PDE4D: variants seen among roughly 807,000 people sequenced by gnomAD.
The protein encoded by PDE4D is phosphodiesterase 4D.
In PDE4D, 24 loss-of-function variants were observed where a neutral mutation model predicts 87.4. The observed-to-expected ratio is 0.27, with a 90% CI of 0.20 to 0.39. The LOEUF is 0.39. Ranked by LOEUF, PDE4D falls within the 10% of genes least tolerant of loss-of-function variation. PDE4D has a pLI of 1.00. For missense variants in PDE4D, 714 were observed against 1,041.0 expected, an observed-to-expected ratio of 0.69 and a Z score of 4.32; for synonymous variants, 384 against 383.2, an observed-to-expected ratio of 1.00 and a Z score of -0.02.
chr5:59,722,064 A>G (rs1755908176), intron 1 of PDE4D, among the ~76,000 whole-genome samples: 1 of 152,178 alleles, frequency 6.6e-6, no homozygotes, highest in Non-Finnish European at 1.5e-5. Context: ...TCCCTTTTGG[A>G]TAACAAAACA....
intron 1 of PDE4D, among the ~76,000 whole-genome samples, chr5:60,201,849 CA>C (rs1215552459): frequency 6.6e-6 from 1 of 151,992 alleles, no homozygotes; most frequent in African/African-American, 2.4e-5. Flanking sequence ...ACAGAAACAC[CA>C]AAGAGATACA....
At chr5:60,335,764 G>A (rs542971398) in intron 1 of PDE4D, among the ~76,000 whole-genome samples, 4 of 152,224 alleles carry the variant, frequency 2.6e-5, no homozygotes, top group Admixed American at 2.6e-4. Context: ...TGAAATCATT[G>A]GTGTTGAGAA....
At chr5:60,390,968 C>T (rs1379099523) in intron 1 of PDE4D, among the ~76,000 whole-genome samples, 1 of 152,148 alleles carries the variant, frequency 6.6e-6, no homozygotes, top group African/African-American at 2.4e-5. Context: ...CTAATATAAA[C>T]ATGCACACAT....
chr5:60,438,500 T>C (rs1426319549), intron 1 of PDE4D, among the ~76,000 whole-genome samples: 1 of 152,126 alleles, frequency 6.6e-6, no homozygotes, highest in Non-Finnish European at 1.5e-5. Context: ...ATTTTGTTCA[T>C]TGACTGTACC....
chr5:59,364,111 A>G (rs1426809344), intron 1 of PDE4D, among the ~76,000 whole-genome samples: 1 of 152,222 alleles, frequency 6.6e-6, no homozygotes, highest in African/African-American at 2.4e-5. Context: ...TTTGTTTTGT[A>G]ACAGAATATA....
chr5:60,499,788 G>T (rs1423791154), intron 1 of PDE4D, among the ~76,000 whole-genome samples: 1 of 152,128 alleles, frequency 6.6e-6, no homozygotes, highest in African/African-American at 2.4e-5. Context: ...TGCTGGCCCA[G>T]ACCATTTATA....
At chr5:60,337,355 A>C (rs1757874912) in intron 1 of PDE4D, among the ~76,000 whole-genome samples, 1 of 82,474 alleles carries the variant, frequency 1.2e-5, no homozygotes, top group Admixed American at 1.2e-4. Flanking sequence ...AACAAACTAT[A>C]TATATATATA....
At chr5:59,700,841 A>G (rs1167494307) in intron 1 of PDE4D, among the ~76,000 whole-genome samples, 1 of 152,192 alleles carries the variant, frequency 6.6e-6, no homozygotes, top group Non-Finnish European at 1.5e-5. Flanking sequence ...ATCCCGTAGA[A>G]TCACAAAGCT....
chr5:59,029,489 C>A, intron 6 of PDE4D, among the ~76,000 whole-genome samples: 1 of 147,762 alleles, frequency 6.8e-6, no homozygotes, highest in Admixed American at 6.8e-5. Flanking sequence ...CTGGAAACTA[C>A]AAGACATTGA....
intron 1 of PDE4D, among the ~76,000 whole-genome samples, chr5:60,423,830 A>T (rs914808048): frequency 3.3e-5 from 5 of 152,182 alleles, no homozygotes; most frequent in Non-Finnish European, 7.3e-5. Context: ...AATCAAATAG[A>T]TGCAATAAAA....
At chr5:59,479,067 T>C (rs986582816) in intron 1 of PDE4D, among the ~76,000 whole-genome samples, 2 of 152,080 alleles carry the variant, frequency 1.3e-5, no homozygotes, top group Non-Finnish European at 2.9e-5. Context: ...AAAAGCATTG[T>C]TAACATGACA....
intron 1 of PDE4D, among the ~76,000 whole-genome samples, chr5:59,250,377 C>A (rs1323411727): frequency 1.3e-5 from 2 of 149,900 alleles, no homozygotes; most frequent in Non-Finnish European, 3.0e-5. Flanking sequence ...CCTGTTGTTG[C>A]AGCTACTCAT....
intron 1 of PDE4D, among the ~76,000 whole-genome samples, chr5:59,422,524 G>T (rs899750078): frequency 2.6e-5 from 4 of 152,256 alleles, no homozygotes; most frequent in African/African-American, 9.6e-5. Context: ...ACGATAAAAG[G>T]TGATAACAGA....
intron 1 of PDE4D, among the ~76,000 whole-genome samples, chr5:60,476,828 T>C (rs1397287123): frequency 6.6e-6 from 1 of 152,214 alleles, no homozygotes; most frequent in African/African-American, 2.4e-5. Flanking sequence ...CACCTTGCTT[T>C]ATTTTCTCAA....
chr5:59,038,813 G>A (rs1180386882), intron 6 of PDE4D, 46 bp downstream of exon 6: 3 of 1,423,326 alleles, frequency 2.1e-6, no homozygotes, highest in Non-Finnish European at 2.8e-6. Context: ...GCCGGCATGG[G>A]AATCAGCAGC....
intron 1 of PDE4D, among the ~76,000 whole-genome samples, chr5:60,434,383 G>C (rs1193342535): frequency 6.6e-6 from 1 of 151,948 alleles, no homozygotes; most frequent in Admixed American, 6.6e-5. Context: ...TGATAACAAA[G>C]ACTACTGTGT....
intron 1 of PDE4D, among the ~76,000 whole-genome samples, chr5:59,394,960 A>G (rs546107638): frequency 9.0e-4 from 137 of 152,166 alleles, no homozygotes; most frequent in African/African-American, 3.2e-3. Flanking sequence ...TAATCAAAGA[A>G]AGGGGTGACG....
intron 1 of PDE4D, among the ~76,000 whole-genome samples, chr5:59,455,296 G>A (rs1799746304): frequency 1.3e-5 from 2 of 152,214 alleles, no homozygotes; most frequent in Admixed American, 6.5e-5. Context: ...GTACAGGCTA[G>A]GGACTTGGTG....
intron 1 of PDE4D, among the ~76,000 whole-genome samples, chr5:60,450,846 T>G (rs1412571453): frequency 6.6e-6 from 1 of 152,110 alleles, no homozygotes. Context: ...TCTTTATGTC[T>G]TTATATGGGT....
Sources: allele counts gnomAD v4.1 joint callset (sites outside exome capture counted in the v4.1 genomes callset), GRCh38; gene constraint gnomAD v4.1.1; transcripts MANE v1.5; gene names NCBI Gene and HGNC (gene_info 2026-07-23, HGNC 2026-07-21).